Variants in ARHGEF4 observed in about 807,000 individuals in gnomAD.
ARHGEF4 encodes the protein Rho guanine nucleotide exchange factor 4.
ARHGEF4 carries 119 observed loss-of-function variants against 162.0 expected under a neutral mutation model. That is an observed-to-expected ratio of 0.73 (90% confidence interval 0.63 to 0.86). The LOEUF is 0.86. Among genes scored for constraint, ARHGEF4 ranks in the 40% least tolerant of loss-of-function variants. The pLI is 0.00. For synonymous variants in ARHGEF4, 1,014 were observed against 979.9 expected, an observed-to-expected ratio of 1.03 and a Z score of -0.65; for missense variants, 2,488 against 2,456.0, an observed-to-expected ratio of 1.01 and a Z score of -0.28.
chr2:131,027,865 C>T, intron 4 of ARHGEF4, 80 bp from the exon 5 acceptor site: 1 of 1,552,962 alleles, frequency 6.4e-7, no homozygotes, highest in Non-Finnish European at 8.8e-7. Context: ...CCTGAACCCA[C>T]TGGGCTCCTT....
intron 4 of ARHGEF4, among the ~76,000 whole-genome samples, chr2:130,971,563 C>T (rs1270190797): frequency 6.9e-6 from 1 of 144,690 alleles, no homozygotes; most frequent in East Asian, 2.0e-4. Context: ...GAGGCTGAGG[C>T]AGGAGAATTG....
intron 4 of ARHGEF4, among the ~76,000 whole-genome samples, chr2:130,979,296 A>G (rs554748833): frequency 6.2e-4 from 94 of 152,372 alleles, no homozygotes; most frequent in African/African-American, 2.2e-3. Flanking sequence ...TATAACTTGA[A>G]GGAAGCTAAA....
intron 2 of ARHGEF4, 104 bp from the exon 3 acceptor site, chr2:130,930,847 AC>A: frequency 9.0e-7 from 1 of 1,111,426 alleles, no homozygotes; most frequent in African/African-American, 1.6e-5. Context: ...ATTAACCAAA[AC>A]ATAGTGTTAT....
At chr2:130,933,934 C>T (rs1682787897) in intron 3 of ARHGEF4, among the ~76,000 whole-genome samples, 1 of 152,140 alleles carries the variant, frequency 6.6e-6, no homozygotes, top group East Asian at 1.9e-4. Context: ...TTATCCCTTA[C>T]TTGCTCTGGG....
intron 1 of ARHGEF4, among the ~76,000 whole-genome samples, chr2:130,871,971 C>G (rs1678516797): frequency 6.6e-6 from 1 of 152,256 alleles, no homozygotes; most frequent in Non-Finnish European, 1.5e-5. Flanking sequence ...TGCCTATCAG[C>G]TGTGAGCCTC....
At chr2:131,016,191 A>G (rs75260129) in intron 4 of ARHGEF4, among the ~76,000 whole-genome samples, 6,501 of 152,234 alleles carry the variant, frequency 0.043, 199 homozygotes, top group South Asian at 0.14. Context: ...GTGCCCCACC[A>G]GGATCTCCCA....
chr2:130,952,063 G>A lies in ARHGEF4; in HGVS notation c.3985+5428G>A, dbSNP rs182961946. ...ACAGTTGCATGTTAAGAGAAGAAAG[G>A]AGAAAATAAGAATAGTGTTTTTTAT... On this transcript the variant is annotated intron_variant, in intron 4 of 13. Coordinates refer to ENST00000409359, the MANE Select transcript of ARHGEF4 (RefSeq NM_001367493.1). Among the ~76,000 whole-genome samples, 353 of 152,232 alleles carry A rather than the reference G, an allele frequency of 2.3e-3. 2 individuals are homozygous for A. The highest frequency in any genetic ancestry group is 8.0e-3 in the African/African-American group (331 of 41,536).
chr2:130,885,922 A>G (rs1399784107), intron 1 of ARHGEF4, among the ~76,000 whole-genome samples: 1 of 151,970 alleles, frequency 6.6e-6, no homozygotes, highest in Non-Finnish European at 1.5e-5. Flanking sequence ...TGAGACATGT[A>G]GAGTTTAACA....
At chr2:130,939,067 T>C (rs1191493065) in intron 3 of ARHGEF4, among the ~76,000 whole-genome samples, 1 of 152,164 alleles carries the variant, frequency 6.6e-6, no homozygotes, top group Non-Finnish European at 1.5e-5. Flanking sequence ...CCCTCCACCC[T>C]CAAGTAGGCC....
At chr2:130,995,596 C>T (rs1447549916) in intron 4 of ARHGEF4, among the ~76,000 whole-genome samples, 1 of 152,170 alleles carries the variant, frequency 6.6e-6, no homozygotes, top group Non-Finnish European at 1.5e-5. Context: ...TACTTTATGA[C>T]AATAATTTTT....
intron 5 of ARHGEF4, chr2:131,035,703 G>A (rs1690224580): frequency 1.0e-6 from 1 of 985,700 alleles, no homozygotes; most frequent in Non-Finnish European, 1.2e-6. Context: ...TCCCGTTTTA[G>A]GCCTTAAAAT....
intron 1 of ARHGEF4, among the ~76,000 whole-genome samples, chr2:130,871,930 G>A (rs144465784): frequency 1.5e-3 from 225 of 152,348 alleles, no homozygotes; most frequent in African/African-American, 5.3e-3. Flanking sequence ...GGGTGTGGGA[G>A]CCTATCCAGC....
At chr2:130,917,947 G>A (rs973912799) in intron 2 of ARHGEF4, among the ~76,000 whole-genome samples, 15 of 151,180 alleles carry the variant, frequency 9.9e-5, no homozygotes, top group African/African-American at 3.6e-4. Context: ...TCAGCCTCAC[G>A]AGTAGATTGG....
intron 9 of ARHGEF4, 57 bp from the exon 10 acceptor site, chr2:131,041,758 C>A (rs985141806): frequency 5.0e-6 from 8 of 1,588,896 alleles, no homozygotes; most frequent in Non-Finnish European, 6.9e-6. Context: ...TGCAGGGGAT[C>A]CTCACCCTTT....
At chr2:130,951,651 TGTA>T (rs1171660047) in intron 4 of ARHGEF4, among the ~76,000 whole-genome samples, 2 of 152,224 alleles carry the variant, frequency 1.3e-5, no homozygotes, top group Non-Finnish European at 2.9e-5. Flanking sequence ...TATTTTCTAA[TGTA>T]GTATTTTAAT....
At chr2:131,032,011 G>A (rs988034058) in intron 5 of ARHGEF4, among the ~76,000 whole-genome samples, 2 of 152,152 alleles carry the variant, frequency 1.3e-5, no homozygotes, top group African/African-American at 4.8e-5. Context: ...CTCCTGCTGG[G>A]GAGGTCTAGG....
At chr2:130,934,683 CA>C (rs1234731452) in intron 3 of ARHGEF4, among the ~76,000 whole-genome samples, 1 of 152,112 alleles carries the variant, frequency 6.6e-6, no homozygotes, top group Non-Finnish European at 1.5e-5. Flanking sequence ...CCTGGGACTC[CA>C]GGCATGCACT....
intron 4 of ARHGEF4, among the ~76,000 whole-genome samples, chr2:131,025,135 C>T (rs1211987879): frequency 6.6e-6 from 1 of 152,168 alleles, no homozygotes; most frequent in East Asian, 1.9e-4. Flanking sequence ...GTTCCACAGG[C>T]TTCACAGGAC....
chr2:130,977,994 G>T (rs1254395329), intron 4 of ARHGEF4, among the ~76,000 whole-genome samples: 1 of 152,196 alleles, frequency 6.6e-6, no homozygotes, highest in Non-Finnish European at 1.5e-5. Context: ...AGAAAATAGG[G>T]CCTAGGGAGG....
Sources: gnomAD v4.1 joint callset for allele counts (sites outside exome capture counted in the v4.1 genomes callset) on GRCh38, gnomAD v4.1.1 for gene constraint, MANE v1.5 for transcripts, NCBI Gene and HGNC (gene_info 2026-07-23, HGNC 2026-07-21) for gene names.